NEK9: variants seen among roughly 807,000 people sequenced by gnomAD.
The protein encoded by NEK9 is serine/threonine-protein kinase Nek9.
A neutral mutation model predicts 123.4 loss-of-function variants in NEK9; 75 were observed. The observed-to-expected ratio is 0.61, with a 90% CI of 0.50 to 0.74. NEK9 has a LOEUF of 0.74. NEK9 is among the 30% of genes least tolerant of loss of function. The pLI is 0.00. For missense variants in NEK9, 952 were observed against 1,214.4 expected (o/e 0.78, Z 3.21); for synonymous variants, 438 against 458.7 (o/e 0.95, Z 0.58).
At chr14:75,102,308 A>G (rs116743590) in intron 14 of NEK9, among the ~76,000 whole-genome samples, 3,351 of 152,266 alleles carry the variant, frequency 0.022, 82 homozygotes, top group African/African-American at 0.055. Flanking sequence ...GAAAACATAA[A>G]TCAAGTAATA....
At chr14:75,093,108 C>T (rs893065465) in intron 18 of NEK9, among the ~76,000 whole-genome samples, 1 of 152,118 alleles carries the variant, frequency 6.6e-6, no homozygotes, top group Admixed American at 6.5e-5. Flanking sequence ...TTGCACTATC[C>T]AATATGAGTT....
chr14:75,107,621 G>A, intron 10 of NEK9, 134 bp from the exon 11 acceptor site: 1 of 666,490 alleles, frequency 1.5e-6, no homozygotes, highest in South Asian at 2.4e-5. Context: ...CTCCTGCCTC[G>A]GCTTCCCAAA....
chr14:75,112,800 G>C (rs187921193), intron 8 of NEK9, among the ~76,000 whole-genome samples: 2 of 152,278 alleles, frequency 1.3e-5, no homozygotes, highest in East Asian at 3.9e-4. Flanking sequence ...TAGCCTGGGT[G>C]ACAGAGTGAG....
At chr14:75,092,714 CTG>C (rs1894260518) in intron 18 of NEK9, among the ~76,000 whole-genome samples, 1 of 152,062 alleles carries the variant, frequency 6.6e-6, no homozygotes, top group Non-Finnish European at 1.5e-5. Context: ...GGAAATGAAA[CTG>C]AATTTTAATA....
chr14:75,097,615 T>A (rs1417933087), intron 16 of NEK9, among the ~76,000 whole-genome samples: 1 of 152,210 alleles, frequency 6.6e-6, no homozygotes, highest in African/African-American at 2.4e-5. Context: ...GTCCTTGCCC[T>A]GTGGAACTGA....
At chr14:75,102,314 T>C (rs1318277350) in intron 14 of NEK9, among the ~76,000 whole-genome samples, 1 of 152,222 alleles carries the variant, frequency 6.6e-6, no homozygotes, top group Non-Finnish European at 1.5e-5. Context: ...ATAAATCAAG[T>C]AATAGTAATT....
intron 2 of NEK9, among the ~76,000 whole-genome samples, chr14:75,123,217 G>A (rs1317345979): frequency 2.0e-5 from 3 of 151,920 alleles, no homozygotes; most frequent in African/African-American, 4.8e-5. Flanking sequence ...TCTGGCCAAC[G>A]TGGCAAAACC....
chr14:75,091,652 T>C, intron 18 of NEK9, 174 bp from the exon 19 acceptor site: 1 of 477,718 alleles, frequency 2.1e-6, no homozygotes, highest in Non-Finnish European at 3.6e-6. Context: ...AACTATGTTT[T>C]GTAATTTTGT....
At chr14:75,124,295 A>C in intron 1 of NEK9, 72 bp from the exon 2 acceptor site, 1 of 1,431,130 alleles carries the variant, frequency 7.0e-7, no homozygotes, top group South Asian at 1.2e-5. Flanking sequence ...CTAGATCTGT[A>C]AGCCTAGAAG....
In NEK9 at chr14:75,101,104, G is replaced by A. The variant is rs199641143; in HGVS notation, c.1890C>T (p.Gly630=). Reference sequence around the variant, plus strand: ...CCAGACGCTTCTTGTAGTTCCCAACGCCCAGCTGCCCACACTTGTTGCAGC... The same window carrying A: ...CCAGACGCTTCTTGTAGTTCCCAACACCCAGCTGCCCACACTTGTTGCAGC... ...TFGCNKCGQL[G]VGNYKKRLGI... The change falls in exon 16 of 22, where the codon GGC becomes GGT. Residue 630 remains glycine, a synonymous_variant. Transcript: ENST00000238616. 23 of 1,614,150 alleles carry A rather than the reference G, an allele frequency of 1.4e-5. No homozygotes were observed. In the East Asian group the frequency reaches 3.3e-4, roughly 23 times the overall value.
chr14:75,103,511 T>C (rs1894659871), intron 14 of NEK9, among the ~76,000 whole-genome samples: 1 of 152,202 alleles, frequency 6.6e-6, no homozygotes, highest in South Asian at 2.1e-4. Flanking sequence ...TCTATATACA[T>C]ATACTGGTAA....
intron 6 of NEK9, 101 bp downstream of exon 6, chr14:75,117,094 T>G: frequency 7.4e-7 from 1 of 1,352,432 alleles, no homozygotes; most frequent in Non-Finnish European, 1.0e-6. Flanking sequence ...CAGGTTATTT[T>G]TGCCAGAAAT....
Position 75,124,056 on chromosome 14 carries a change from T to C in NEK9, c.387A>G (p.Glu129=). Residue 129 remains glutamate (E), a synonymous_variant, in exon 2 of 22, where the codon GAA becomes GAG. Transcript: ENST00000238616. ...MDNTTLLIEL[E]YCNGGNLYDK... is the part of the protein sequence containing the mutation. Reference sequence around the variant, plus strand: ...TGAACTCTATCTTACCATTACAATATTCCAGCTCAATCAGCAGCGTGGTAT... The same window carrying C: ...TGAACTCTATCTTACCATTACAATACTCCAGCTCAATCAGCAGCGTGGTAT... The C allele has an allele frequency of 6.2e-7, 1 of 1,612,444 alleles. No individual in the cohort carries two copies.
intron 6 of NEK9, among the ~76,000 whole-genome samples, chr14:75,114,856 T>C (rs1895076022): frequency 6.6e-6 from 1 of 152,116 alleles, no homozygotes; most frequent in Admixed American, 6.6e-5. Flanking sequence ...AAGGAAATTA[T>C]TATCATTATC....
At position 75,110,214 on chromosome 14, in the gene NEK9, G is replaced by A. The variant is rs977164963; in HGVS notation, c.989+107C>T. On this transcript the variant is annotated intron_variant, in intron 9 of 21. Transcript: ENST00000238616. ...GACATTTAAGCAGATGCTGGCTCCT[G>A]AAAGGATGCCAAAGTATCCTCGGAT... The A allele has an allele frequency of 7.2e-6, 6 of 837,054 alleles. No homozygotes were observed. In the African/African-American group the frequency reaches 1.0e-4, roughly 14 times the overall value. The allele number at this position is 837,054 out of a possible 1,614,324, so 51.9% of individuals were successfully genotyped here. A position where few individuals can be genotyped will look rare whatever the true frequency, so the allele number is the denominator to read the frequency against.
chr14:75,127,056 G>C (rs1197400315), upstream of NEK9: 6 of 653,074 alleles, frequency 9.2e-6, no homozygotes, highest in Admixed American at 2.4e-4. Context: ...GGTGGCTCCT[G>C]CCCCCCGACC....
At chr14:75,102,497 G>A (rs1489001069) in intron 14 of NEK9, among the ~76,000 whole-genome samples, 6 of 147,356 alleles carry the variant, frequency 4.1e-5, no homozygotes, top group South Asian at 2.2e-4. Flanking sequence ...ACCGGTGCCC[G>A]CCACCACACC....
rs529687326 is a variant in NEK9, at chr14:75,106,970, T to C, written c.1328-268A>G. On this transcript the variant is annotated intron_variant, in intron 11 of 21. Coordinates refer to ENST00000238616, the MANE Select transcript of NEK9 (RefSeq NM_033116.6). ...AATTTTAATGGGGCCATCTTTGTTA[T>C]ATAGATAAAAAAATAAGTCCCAAGG... is the stretch of plus-strand genomic sequence containing the variant. 1.1e-4 allele frequency among the ~76,000 whole-genome samples: 16 copies of C among 152,302 alleles called. No homozygotes were observed. The South Asian group carries it at 2.9e-3, about 28-fold the overall frequency.
At chr14:75,121,030 T>A in intron 3 of NEK9, 89 bp downstream of exon 3, 3 of 1,074,124 alleles carry the variant, frequency 2.8e-6, no homozygotes, top group Non-Finnish European at 4.3e-6. Context: ...AAAAAAACAC[T>A]CTTCACTATT....
Sources: gnomAD v4.1 joint callset for allele counts (sites outside exome capture counted in the v4.1 genomes callset) on GRCh38, gnomAD v4.1.1 for gene constraint, MANE v1.5 for transcripts, NCBI Gene and HGNC (gene_info 2026-07-23, HGNC 2026-07-21) for gene names.